The following CNTN3 variants were observed in gnomAD, a reference collection of about 807,000 sequenced individuals.
CNTN3 encodes the protein contactin-3.
In CNTN3, 60 loss-of-function variants were observed where a neutral mutation model predicts 119.1. That is an observed-to-expected ratio of 0.50 (90% confidence interval 0.41 to 0.62). The LOEUF (loss-of-function observed/expected upper bound fraction) is 0.62. Ranked by LOEUF, CNTN3 falls within the 20% of genes least tolerant of loss-of-function variation. CNTN3 has a pLI of 0.00. For synonymous variants in CNTN3, 450 were observed against 438.7 expected, an observed-to-expected ratio of 1.03 and a Z score of -0.32; for missense variants, 1,101 against 1,242.4, an observed-to-expected ratio of 0.89 and a Z score of 1.71.
At chr3:74,330,295 G>A (rs1223786537) in intron 13 of CNTN3, among the ~76,000 whole-genome samples, 1 of 151,876 alleles carries the variant, frequency 6.6e-6, no homozygotes, top group African/African-American at 2.4e-5. Context: ...GGCAGAGGTT[G>A]CAGTGAGTCA....
chr3:74,399,181 G>C (rs1256516228), intron 5 of CNTN3, among the ~76,000 whole-genome samples: 4 of 151,952 alleles, frequency 2.6e-5, no homozygotes, highest in Admixed American at 2.0e-4. Flanking sequence ...CCAAGTACAA[G>C]TTTGTGACAT....
chr3:74,362,395 T>C (rs974272094), intron 10 of CNTN3, among the ~76,000 whole-genome samples: 3 of 152,190 alleles, frequency 2.0e-5, no homozygotes, highest in Admixed American at 1.3e-4. Context: ...CTTTAGGACA[T>C]AGCACTTGGT....
chr3:74,327,189 C>T (rs971777555), intron 13 of CNTN3, among the ~76,000 whole-genome samples: 7 of 137,738 alleles, frequency 5.1e-5, no homozygotes, highest in East Asian at 2.2e-4. Context: ...AGTGCAATGG[C>T]GCAATCTCAG....
Position 74,296,869 on chromosome 3 carries a change from A to AT in CNTN3, c.2401+1087dup, listed in dbSNP as rs565642577. Among the ~76,000 whole-genome samples, 1,386 of 142,566 alleles carry AT rather than the reference A, an allele frequency of 9.7e-3. 13 individuals are homozygous for AT. The highest frequency in any genetic ancestry group is 0.019 in the African/African-American group (745 of 39,588). The allele number at this position is 142,566 out of a possible 152,430, so 93.5% of individuals were successfully genotyped here. A position where few individuals can be genotyped will look rare whatever the true frequency, so the allele number is the denominator to read the frequency against. ...ACTTCAATACATGTTAGTTTCTGCC[A>AT]TTTTTTTTTTTTTTTGTAGAACTAC... is the stretch of plus-strand genomic sequence containing the variant. On this transcript the variant is annotated intron_variant, in intron 18 of 22. Transcript: ENST00000263665.
intron 4 of CNTN3, among the ~76,000 whole-genome samples, chr3:74,467,555 C>T (rs1702487415): frequency 6.6e-6 from 1 of 152,066 alleles, no homozygotes; most frequent in Non-Finnish European, 1.5e-5. Context: ...TTTTTAGCAT[C>T]CTACAGCAAG....
chr3:74,587,737 C>A (rs1704620090), intron 1 of CNTN3, among the ~76,000 whole-genome samples: 1 of 152,164 alleles, frequency 6.6e-6, no homozygotes, highest in Non-Finnish European at 1.5e-5. Context: ...ATGTCATCTG[C>A]AAACAGGGAC....
At chr3:74,606,059 A>G (rs1704986823) in intron 1 of CNTN3, among the ~76,000 whole-genome samples, 1 of 152,136 alleles carries the variant, frequency 6.6e-6, no homozygotes, top group African/African-American at 2.4e-5. Flanking sequence ...AAGTGTGAGT[A>G]AACATATGCA....
At chr3:74,406,279 G>T (rs1403553965) in intron 5 of CNTN3, among the ~76,000 whole-genome samples, 1 of 151,908 alleles carries the variant, frequency 6.6e-6, no homozygotes, top group Non-Finnish European at 1.5e-5. Flanking sequence ...TTGTTTCTAA[G>T]GTGTTTATAC....
intron 1 of CNTN3, among the ~76,000 whole-genome samples, chr3:74,537,637 CA>C (rs1703784639): frequency 6.6e-6 from 1 of 152,060 alleles, no homozygotes; most frequent in South Asian, 2.1e-4. Flanking sequence ...TGACTCCTTG[CA>C]GTAGGGAAGG....
chr3:74,480,057 G>A (rs1702735830), intron 4 of CNTN3, among the ~76,000 whole-genome samples: 1 of 152,084 alleles, frequency 6.6e-6, no homozygotes, highest in Admixed American at 6.6e-5. Context: ...CAAAGTCATA[G>A]TGATGTAAAC....
intron 1 of CNTN3, among the ~76,000 whole-genome samples, chr3:74,580,826 CT>C (rs1704493669): frequency 6.6e-6 from 1 of 152,170 alleles, no homozygotes; most frequent in Non-Finnish European, 1.5e-5. Context: ...TCAAGTGACC[CT>C]CCCACCTCAG....
intron 11 of CNTN3, among the ~76,000 whole-genome samples, chr3:74,357,388 A>G (rs1703961627): frequency 6.6e-6 from 1 of 151,958 alleles, no homozygotes. Context: ...AGTTCAAGTG[A>G]TTCTCCTGCT....
rs1702381838 is a variant in CNTN3 at position 74,298,249 on chromosome 3, T to C, written c.2167-58A>G. On this transcript the variant is annotated intron_variant, in intron 17 of 22. Transcript: ENST00000263665. ...CACATAAGGGCAAGGCAAAAATGAA[T>C]GCAGCTGTAATCCACAGGCATTTAT... 12 of 1,061,300 alleles carry C rather than the reference T, an allele frequency of 1.1e-5. No individual in the cohort carries two copies. The South Asian group carries it at 2.1e-4, about 18-fold the overall frequency. 65.7% of individuals were successfully genotyped at this position (1,061,300 alleles called of 1,614,324 possible).
rs574288395 is a variant in CNTN3 at position 74,320,134 on chromosome 3, G to C, written c.1668+14601C>G. Among the ~76,000 whole-genome samples, 781 of 152,248 alleles carry C rather than the reference G, an allele frequency of 5.1e-3. 9 individuals carry two copies. Among genetic ancestry groups the C allele is most frequent in the Non-Finnish European group, 7.6e-3 (519 of 68,008 alleles). ...GCGATTCCTCAGGGATCTAGAACTA[G>C]AAATACCATTTGACCCAGCCATCCC... is the stretch of plus-strand genomic sequence containing the variant. On this transcript the variant is annotated intron_variant, in intron 13 of 22. Transcript: ENST00000263665.
chr3:74,444,959 T>C (rs1702025154), intron 4 of CNTN3, among the ~76,000 whole-genome samples: 1 of 152,158 alleles, frequency 6.6e-6, no homozygotes, highest in Non-Finnish European at 1.5e-5. Context: ...CATCCTAATA[T>C]GAAAAGATGG....
At chr3:74,500,645 C>T (rs1231377741) in intron 2 of CNTN3, among the ~76,000 whole-genome samples, 3 of 151,444 alleles carry the variant, frequency 2.0e-5, no homozygotes, top group South Asian at 2.1e-4. Context: ...ACAAAGAAAA[C>T]GAGATCAAGA....
At chr3:74,290,344 G>T (rs977995038) in intron 19 of CNTN3, among the ~76,000 whole-genome samples, 1 of 152,162 alleles carries the variant, frequency 6.6e-6, no homozygotes, top group African/African-American at 2.4e-5. Context: ...CATAAACATA[G>T]AAAAGGTAAA....
chr3:74,398,833 T>C (rs1357501387), intron 5 of CNTN3, among the ~76,000 whole-genome samples: 2 of 152,214 alleles, frequency 1.3e-5, no homozygotes, highest in Non-Finnish European at 2.9e-5. Flanking sequence ...GCAATTTATA[T>C]AAGCTTTGAT....
At chr3:74,568,392 G>A (rs1319855219) in intron 1 of CNTN3, among the ~76,000 whole-genome samples, 2 of 152,160 alleles carry the variant, frequency 1.3e-5, no homozygotes, top group East Asian at 3.9e-4. Context: ...TTATTGCCCT[G>A]CTCCATAGGA....
Sources: gnomAD v4.1 joint callset for allele counts (sites outside exome capture counted in the v4.1 genomes callset) on GRCh38, gnomAD v4.1.1 for gene constraint, MANE v1.5 for transcripts, NCBI Gene and HGNC (gene_info 2026-07-23, HGNC 2026-07-21) for gene names.